ACTR3C: variants seen among roughly 807,000 people sequenced by gnomAD.
ACTR3C encodes the protein actin-related protein 3C.
A neutral mutation model predicts 26.3 loss-of-function variants in ACTR3C; 18 were observed. The ratio of observed to expected loss-of-function variants is 0.68; its 90% confidence interval spans 0.47 to 1.01. The LOEUF is 1.01. ACTR3C is among the 50% of genes least tolerant of loss of function. The pLI, the probability that ACTR3C is intolerant of heterozygous loss-of-function variation, is 0.00. For missense variants in ACTR3C, 184 were observed against 250.7 expected (o/e 0.73, Z 1.80); for synonymous variants, 55 against 94.5 (o/e 0.58, Z 2.42).
At chr7:150,194,288 T>G in the ACTR3C span, among the ~76,000 whole-genome samples, 1 of 146,536 alleles carries the variant, frequency 6.8e-6, no homozygotes, top group Non-Finnish European at 1.5e-5. Flanking sequence ...ATATAATATA[T>G]AAAAGTCTTT....
chr7:149,984,174 T>C, the ACTR3C span, among the ~76,000 whole-genome samples: 2 of 151,880 alleles, frequency 1.3e-5, no homozygotes, highest in South Asian at 2.1e-4. Context: ...TTTTTCCCTG[T>C]TTTATTTAGT....
At chr7:149,963,435 G>C in the ACTR3C span, among the ~76,000 whole-genome samples, 1 of 152,150 alleles carries the variant, frequency 6.6e-6, no homozygotes, top group Admixed American at 6.5e-5. Flanking sequence ...TATGCCTCAT[G>C]CCTAACTAAT....
At chr7:150,307,670 G>A (rs912632206) in intron 1 of ACTR3C, among the ~76,000 whole-genome samples, 4 of 152,186 alleles carry the variant, frequency 2.6e-5, no homozygotes, top group African/African-American at 9.7e-5. Context: ...CACAAAGCCT[G>A]TTAGGTGGTC....
At chr7:150,295,509 T>C (rs1836675327) in intron 1 of ACTR3C, among the ~76,000 whole-genome samples, 162 bp from the exon 2 acceptor site, 1 of 152,304 alleles carries the variant, frequency 6.6e-6, no homozygotes, top group South Asian at 2.1e-4. Context: ...AATCTGGCCG[T>C]GGGCCTTAAA....
At chr7:149,914,475 C>T in the ACTR3C span, among the ~76,000 whole-genome samples, 1 of 151,836 alleles carries the variant, frequency 6.6e-6, no homozygotes, top group African/African-American at 2.4e-5. Flanking sequence ...TGCCTGCAGT[C>T]CCAGCTACTC....
chr7:150,086,407 G>A, the ACTR3C span, among the ~76,000 whole-genome samples: 3 of 152,206 alleles, frequency 2.0e-5, no homozygotes, highest in African/African-American at 7.2e-5. Flanking sequence ...GGCATTTACT[G>A]GAGAGAGAAG....
At chr7:150,177,847 T>TA in the ACTR3C span, among the ~76,000 whole-genome samples, 1 of 150,888 alleles carries the variant, frequency 6.6e-6, no homozygotes, top group Non-Finnish European at 1.5e-5. Context: ...TCATAATGAA[T>TA]AAATACTGAT....
intron 6 of ACTR3C, among the ~76,000 whole-genome samples, chr7:150,254,839 T>A (rs1158807667): frequency 6.6e-6 from 1 of 152,212 alleles, no homozygotes; most frequent in Non-Finnish European, 1.5e-5. Context: ...GGACCTAGAC[T>A]GAACCCCTGA....
At chr7:150,192,779 T>C in the ACTR3C span, among the ~76,000 whole-genome samples, 7 of 152,248 alleles carry the variant, frequency 4.6e-5, no homozygotes, top group Non-Finnish European at 8.8e-5. Flanking sequence ...GGTGAACCTT[T>C]TGTCCTTGAA....
At chr7:150,031,275 T>A in the ACTR3C span, among the ~76,000 whole-genome samples, 10 of 132,474 alleles carry the variant, frequency 7.5e-5, no homozygotes, top group Non-Finnish European at 9.7e-5. Context: ...AAAAAAAAAG[T>A]AAAAAAAAAA....
At chr7:150,131,005 A>G in the ACTR3C span, among the ~76,000 whole-genome samples, 1 of 152,232 alleles carries the variant, frequency 6.6e-6, no homozygotes, top group African/African-American at 2.4e-5. Flanking sequence ...CTGTAAAAAG[A>G]TAGAGGGAAG....
At chr7:150,227,955 A>G in the ACTR3C span, among the ~76,000 whole-genome samples, 1 of 152,046 alleles carries the variant, frequency 6.6e-6, no homozygotes, top group Non-Finnish European at 1.5e-5. Flanking sequence ...CTTCTTCGGT[A>G]GTGTATTGAC....
chr7:150,121,787 G>A, the ACTR3C span, among the ~76,000 whole-genome samples: 2 of 151,920 alleles, frequency 1.3e-5, no homozygotes, highest in Non-Finnish European at 2.9e-5. Flanking sequence ...ACAATCCTAA[G>A]CAAAAAGAAT....
the ACTR3C span, chr7:150,041,507 A>AG: frequency 2.2e-4 from 15 of 68,116 alleles, no homozygotes; most frequent in Admixed American, 6.0e-4. Flanking sequence ...GTCCTAAGCC[A>AG]GGGGGGGAAG....
At chr7:150,234,681 T>C in the ACTR3C span, among the ~76,000 whole-genome samples, 28 of 152,230 alleles carry the variant, frequency 1.8e-4, no homozygotes, top group African/African-American at 6.8e-4. Flanking sequence ...AATTCATCTA[T>C]CTTTGCAGAT....
chr7:150,020,365 T>C, the ACTR3C span, among the ~76,000 whole-genome samples: 12 of 152,288 alleles, frequency 7.9e-5, no homozygotes, highest in African/African-American at 2.9e-4. Flanking sequence ...TTTCTGACAC[T>C]GCCCCCAGGA....
At chr7:150,129,314 C>G in the ACTR3C span, among the ~76,000 whole-genome samples, 3 of 152,172 alleles carry the variant, frequency 2.0e-5, no homozygotes, top group African/African-American at 7.2e-5. Context: ...CACTTTTCCC[C>G]TTAGATCTAG....
the ACTR3C span, among the ~76,000 whole-genome samples, chr7:150,198,176 C>T: frequency 6.7e-6 from 1 of 150,028 alleles, no homozygotes; most frequent in African/African-American, 2.5e-5. Flanking sequence ...AGTGCAGTGG[C>T]GTGATCTCGG....
the ACTR3C span, among the ~76,000 whole-genome samples, chr7:150,167,878 C>G: frequency 6.6e-6 from 1 of 150,650 alleles, no homozygotes; most frequent in South Asian, 2.1e-4. Context: ...CTTCATCATA[C>G]AAATTCTTTA....
Sources: gnomAD v4.1 joint callset for allele counts (sites outside exome capture counted in the v4.1 genomes callset) on GRCh38, gnomAD v4.1.1 for gene constraint, MANE v1.5 for transcripts, NCBI Gene and HGNC (gene_info 2026-07-23, HGNC 2026-07-21) for gene names.